Variants in SYNPO2L observed in about 807,000 individuals in gnomAD.
SYNPO2L encodes synaptopodin 2 like.
SYNPO2L carries 34 observed loss-of-function variants against 47.5 expected under a neutral mutation model. The ratio of observed to expected loss-of-function variants is 0.72; its 90% CI spans 0.54 to 0.95. The LOEUF (loss-of-function observed/expected upper bound fraction) is 0.95. Among genes scored for constraint, SYNPO2L ranks in the 40% least tolerant of loss-of-function variants. SYNPO2L has a pLI of 0.00. For missense variants in SYNPO2L, 1,246 were observed against 1,282.0 expected (o/e 0.97, Z 0.43); for synonymous variants, 536 against 524.9 (o/e 1.02, Z -0.29).
In SYNPO2L at chr10:73,648,327, G is replaced by A. The variant is rs552850581; in HGVS notation, c.1325C>T (p.Ala442Val). Residue 442 changes from alanine (A) to valine (V), a missense_variant, in exon 4 of 4, where the codon GCG becomes GTG. Coordinates refer to ENST00000394810, the MANE Select transcript of SYNPO2L (RefSeq NM_001114133.3). ...GAAGGGTCTGGGGCTGGCTACAGGCGCCGGCAAGGGGCTGGGTGGGAGCAC... is the reference window on the plus strand; with the variant it reads ...GAAGGGTCTGGGGCTGGCTACAGGCACCGGCAAGGGGCTGGGTGGGAGCAC... ...AAVLPPSPLP[A>V]PVASPRPFQP... is the part of the protein sequence containing the mutation. 1.9e-6 allele frequency: 3 copies of A among 1,604,554 alleles called. No individual in the cohort carries two copies. The highest frequency in any genetic ancestry group is 2.7e-5 in the African/African-American group (2 of 75,014).
rs140943730 is a variant in SYNPO2L, at chr10:73,648,216, C to A, written c.1436G>T (p.Arg479Leu). The A allele has an allele frequency of 5.2e-5, 82 of 1,580,470 alleles. No homozygotes were observed. The African/African-American group carries it at 1.0e-3, about 19-fold the overall frequency. ...RPFTPGLQGQ[R>L]PTTTSVIFRP... Reference sequence around the variant, plus strand: ...GAAAATAACCGAGGTGGTAGTTGGCCGCTGCCCTTGTAGGCCCGGGGTAAA... The same window carrying A: ...GAAAATAACCGAGGTGGTAGTTGGCAGCTGCCCTTGTAGGCCCGGGGTAAA... Residue 479 changes from arginine (R) to leucine (L), a missense_variant, in exon 4 of 4, where the codon CGG (arginine) becomes CTG (leucine). Physicochemically the swap from Arg to Leu is moderately radical, Grantham distance 102 (BLOSUM62 -2). Transcript: ENST00000394810.
In SYNPO2L at chr10:73,644,922, G is replaced by A. The variant is rs949692902; in HGVS notation, c.*1796C>T. 3.0e-5 allele frequency: 31 copies of A among 1,023,050 alleles called. No homozygotes were observed. Among genetic ancestry groups the A allele is most frequent in the Non-Finnish European group, 4.0e-5 (31 of 779,906 alleles). The allele number at this position is 1,023,050 out of a possible 1,614,324, so 63.4% of individuals were successfully genotyped here. ...AATTTATTCTTGTGCACAAACCAAA[G>A]TATTGTGACTCACACCCAACAAGCA... On this transcript the variant is annotated 3_prime_UTR_variant, in exon 4 of 4. Coordinates refer to ENST00000394810, the MANE Select transcript of SYNPO2L (RefSeq NM_001114133.3).
chr10:73,649,979 G>T (rs1232186222), intron 3 of SYNPO2L: 3 of 985,296 alleles, frequency 3.0e-6, no homozygotes, highest in Admixed American at 6.1e-5. Flanking sequence ...CTGTCTCTAC[G>T]TAGAGAGCTC....
At chr10:73,649,955 T>C (rs1037406092) in intron 3 of SYNPO2L, 104 of 985,294 alleles carry the variant, frequency 1.1e-4, no homozygotes, top group African/African-American at 1.6e-4. Flanking sequence ...GGTGGGCTTC[T>C]TCAGGGGTCA....
At chr10:73,649,640 A>C in intron 3 of SYNPO2L, 3 of 860,966 alleles carry the variant, frequency 3.5e-6, no homozygotes, top group Non-Finnish European at 4.2e-6. Context: ...TGTGCACATC[A>C]AAACACCATC....
At position 73,646,734 on chromosome 10, in the gene SYNPO2L, C is replaced by T. The variant is rs2081754768; in HGVS notation, c.2918G>A (p.Gly973Glu). The T allele has an allele frequency of 4.7e-6, 7 of 1,496,264 alleles. No homozygotes were observed. The highest frequency in any genetic ancestry group is 6.2e-6 in the Non-Finnish European group (7 of 1,122,580). The allele number at this position is 1,496,264 out of a possible 1,614,324, so 92.7% of individuals were successfully genotyped here. Residue 973 changes from glycine (G) to glutamate (E), a missense_variant, in exon 4 of 4, where the codon GGG becomes GAG. By Grantham distance (98) the Gly-to-Glu change is moderately conservative. Transcript: ENST00000394810. Reference sequence around the variant, plus strand: ...TGTGCCTGTTCACTGGTGCCCTGCCCCAGGCCTCCACACATGAGCTTGCAA... The same window carrying T: ...TGTGCCTGTTCACTGGTGCCCTGCCTCAGGCCTCCACACATGAGCTTGCAA... ...TGLQAHVWRP[G>E]AGHQ
Position 73,646,767 on chromosome 10 carries a change from C to G in SYNPO2L, c.2885G>C (p.Arg962Thr). The G allele has an allele frequency of 6.6e-7, 1 of 1,520,152 alleles. No homozygotes were observed. The highest frequency in any genetic ancestry group is 8.8e-7 in the Non-Finnish European group (1 of 1,135,976). The allele number at this position is 1,520,152 out of a possible 1,614,324, so 94.2% of individuals were successfully genotyped here. A position where few individuals can be genotyped will look rare whatever the true frequency, so the allele number is the denominator to read the frequency against. ...QVARPRFSATRTGLQAHVWRP... is the reference protein window; with the variant it reads ...QVARPRFSATTTGLQAHVWRP... ...CCACACATGAGCTTGCAATCCTGTTCTGGTGGCTGAAAATCGGGGCCTGGC... is the reference window on the plus strand; with the variant it reads ...CCACACATGAGCTTGCAATCCTGTTGTGGTGGCTGAAAATCGGGGCCTGGC... Residue 962 changes from arginine to threonine, a missense_variant, in exon 4 of 4, where the codon AGA (arginine) becomes ACA (threonine). Arg to Thr is a moderately conservative substitution (Grantham distance 71). Transcript: ENST00000394810.
intron 3 of SYNPO2L, among the ~76,000 whole-genome samples, chr10:73,651,728 C>G (rs1278843319): frequency 6.6e-6 from 1 of 152,192 alleles, no homozygotes; most frequent in Non-Finnish European, 1.5e-5. Flanking sequence ...CATAGCCTCT[C>G]AGTCCCCAGG....
chr10:73,650,437 G>T (rs1305628462), intron 3 of SYNPO2L, among the ~76,000 whole-genome samples: 1 of 152,118 alleles, frequency 6.6e-6, no homozygotes, highest in Non-Finnish European at 1.5e-5. Flanking sequence ...TTAAAGTTCG[G>T]TTTCCTCATC....
At chr10:73,652,543 G>C (rs972310856) in intron 3 of SYNPO2L, among the ~76,000 whole-genome samples, 5 of 151,672 alleles carry the variant, frequency 3.3e-5, no homozygotes, top group Non-Finnish European at 5.9e-5. Flanking sequence ...GGTGGCGGGT[G>C]CCTATAATCC....
rs1412472460 is a variant in SYNPO2L at position 73,646,215 on chromosome 10, CACAG to C, written c.*499_*502del. The stretch of plus-strand genomic sequence containing the variant: ...ACACACACACACACACACACACACA[CACAG>C]GCCTAGGTATATGCCAGTCAAGCTT... On this transcript the variant is annotated 3_prime_UTR_variant, in exon 4 of 4. Coordinates refer to ENST00000394810, the MANE Select transcript of SYNPO2L (RefSeq NM_001114133.3). The C allele has an allele frequency of 2.2e-5, 22 of 987,310 alleles. No individual in the cohort carries two copies. The highest frequency in any genetic ancestry group is 2.5e-5 in the Non-Finnish European group (21 of 833,266). The allele number at this position is 987,310 out of a possible 1,614,324, so 61.2% of individuals were successfully genotyped here. A position where few individuals can be genotyped will look rare whatever the true frequency, so the allele number is the denominator to read the frequency against.
intron 1 of SYNPO2L, among the ~76,000 whole-genome samples, chr10:73,654,839 C>CAA (rs113157490): frequency 4.1e-5 from 6 of 147,310 alleles, no homozygotes; most frequent in East Asian, 4.0e-4. Flanking sequence ...GACTCTGTCG[C>CAA]AAAAAAAAAG....
At chr10:73,654,474 C>T (rs1194279857) in intron 1 of SYNPO2L, among the ~76,000 whole-genome samples, 194 bp from the exon 2 acceptor site, 1 of 152,132 alleles carries the variant, frequency 6.6e-6, no homozygotes, top group African/African-American at 2.4e-5. Context: ...GAAAGAAATA[C>T]ATCATATGGT....
intron 1 of SYNPO2L, among the ~76,000 whole-genome samples, chr10:73,655,520 C>A (rs2081871722): frequency 6.6e-6 from 1 of 152,150 alleles, no homozygotes; most frequent in Admixed American, 6.5e-5. Context: ...AGAACAAACA[C>A]TGGATGACCA....
At position 73,648,551 on chromosome 10, in the gene SYNPO2L, T is replaced by TGGC. The variant is rs751215995; in HGVS notation, c.1100_1101insGCC (p.Arg367_Ala368insPro). On this transcript the variant is annotated inframe_insertion, in exon 4 of 4. Transcript: ENST00000394810. Reference sequence around the variant, plus strand: ...GCCCAGAGCCCTGGCCCTCTGATGCTCTTGAGCCCGCCCTGGCAAGCTCCA... The same window carrying TGGC: ...GCCCAGAGCCCTGGCCCTCTGATGCTGGCCTTGAGCCCGCCCTGGCAAGCTCCA... 2 of 1,614,128 alleles carry TGGC rather than the reference T, an allele frequency of 1.2e-6. No homozygotes were observed. Among genetic ancestry groups the TGGC allele is most frequent in the South Asian group, 2.2e-5 (2 of 91,076 alleles).
In SYNPO2L at chr10:73,654,314, G is replaced by T. The variant is rs974439502; in HGVS notation, c.106-34C>A. On this transcript the variant is annotated intron_variant, in intron 1 of 3. Transcript: ENST00000394810. ...TTGAAGGAGACACTGTAGGTAAGAG[G>T]GGGCTCCAAAGGGAATAGAATGAAA... 35 of 1,550,172 alleles carry T rather than the reference G, an allele frequency of 2.3e-5. No individual in the cohort carries two copies. In the East Asian group the frequency reaches 7.1e-4, roughly 31 times the overall value.
intron 3 of SYNPO2L, chr10:73,649,891 C>T (rs2081825351): frequency 1.0e-6 from 1 of 985,432 alleles, no homozygotes; most frequent in Non-Finnish European, 1.2e-6. Flanking sequence ...CTTTAGGATA[C>T]CTCAAGGTCG....
At position 73,646,446 on chromosome 10, in the gene SYNPO2L, T is replaced by A; in HGVS notation, c.*272A>T. 1 of 1,165,454 alleles carries A rather than the reference T, an allele frequency of 8.6e-7. No individual in the cohort carries two copies. The highest frequency in any genetic ancestry group is 1.1e-6 in the Non-Finnish European group (1 of 946,626). The allele number at this position is 1,165,454 out of a possible 1,614,324, so 72.2% of individuals were successfully genotyped here. ...AGAGAGATCTGTGGAGGAATATGGG[T>A]GGAGAAGCCTGGAAATAAAGACAGA... On this transcript the variant is annotated 3_prime_UTR_variant, in exon 4 of 4. Coordinates refer to ENST00000394810, the MANE Select transcript of SYNPO2L (RefSeq NM_001114133.3).
Position 73,647,133 on chromosome 10 carries a change from G to C in SYNPO2L, c.2519C>G (p.Pro840Arg). The change falls in exon 4 of 4, where the codon CCC becomes CGC. Residue 840 changes from proline (P) to arginine (R), a missense_variant. Pro to Arg is a moderately radical substitution (Grantham distance 103). Transcript: ENST00000394810. ...ATCTAGAGCCTTGATGCCCTGCTTG[G>C]GTGTTGCCCGAGGCCCCTGGGATTG... ...KAQSQGPRAT[P>R]KQGIKALDFM... 6.2e-7 allele frequency: 1 copy of C among 1,614,106 alleles called. No individual in the cohort carries two copies. Among genetic ancestry groups the C allele is most frequent in the Non-Finnish European group, 8.5e-7 (1 of 1,180,012 alleles).
Sources: gnomAD v4.1 joint callset for allele counts (sites outside exome capture counted in the v4.1 genomes callset) on GRCh38, gnomAD v4.1.1 for gene constraint, MANE v1.5 for transcripts, NCBI Gene and HGNC (gene_info 2026-07-23, HGNC 2026-07-21) for gene names.